The following DPF1 variants were observed in gnomAD, a reference collection of about 807,000 sequenced individuals.
DPF1 encodes double PHD fingers 1, also known as zinc finger protein neuro-d4.
In DPF1, 14 loss-of-function variants were observed where a neutral mutation model predicts 58.7. The ratio of observed to expected loss-of-function variants is 0.24; its 90% CI spans 0.16 to 0.37. The LOEUF (loss-of-function observed/expected upper bound fraction) is 0.37. Ranked by LOEUF, DPF1 falls within the 10% of genes least tolerant of loss-of-function variation. DPF1 has a pLI of 1.00. For missense variants in DPF1, 345 were observed against 529.9 expected, an observed-to-expected ratio of 0.65 and a Z score of 3.43; for synonymous variants, 216 against 216.0, an observed-to-expected ratio of 1.00 and a Z score of 0.00.
Position 38,212,089 on chromosome 19 carries a change from C to T in DPF1, c.1138G>A (p.Ala380Thr). ...TAGGTGAGGGTGATGTAAGCAGAAG[C>T]CTTTTCCTTCAGGTGCCGGAGACAG... ...HLCLRHLKEKASAYITLT is the reference protein window; with the variant it reads ...HLCLRHLKEKTSAYITLT The change falls in exon 12 of 12, where the codon GCT (alanine) becomes ACT (threonine). Residue 380 changes from alanine to threonine, a missense_variant. By Grantham distance (58) the Ala-to-Thr change is moderately conservative. Transcript: ENST00000355526. 1.9e-6 allele frequency: 3 copies of T among 1,612,414 alleles called. No individual in the cohort carries two copies. The highest frequency in any genetic ancestry group is 2.5e-6 in the Non-Finnish European group (3 of 1,179,742).
intron 7 of DPF1, 25 bp from the exon 8 acceptor site, chr19:38,216,428 G>A (rs766608136): frequency 6.4e-7 from 1 of 1,561,050 alleles, no homozygotes; most frequent in South Asian, 1.2e-5. Context: ...ACAGAGAGAG[G>A]GACTCTCACC....
chr19:38,224,381 C>G, upstream of DPF1: 2 of 939,240 alleles, frequency 2.1e-6, no homozygotes, highest in East Asian at 6.7e-5. The surrounding 1 kb of genome is among the most constrained non-coding windows in gnomAD (Gnocchi z 4.5). Flanking sequence ...GGGGCACGCA[C>G]CGTCACTCAC....
intron 9 of DPF1, 52 bp downstream of exon 9, chr19:38,216,088 C>G (rs1419512135): frequency 2.4e-5 from 38 of 1,569,332 alleles, no homozygotes; most frequent in Non-Finnish European, 3.1e-5. Context: ...GGTCTGCACT[C>G]CTGAATGTCC....
intron 4 of DPF1, 83 bp from the exon 5 acceptor site, chr19:38,218,745 T>A (rs1374064216): frequency 3.2e-6 from 5 of 1,558,138 alleles, no homozygotes; most frequent in Non-Finnish European, 4.4e-6. Context: ...AGGTGGAGAT[T>A]GGGGGTGAGA....
At chr19:38,212,741 G>C (rs2146110309) in intron 10 of DPF1, among the ~76,000 whole-genome samples, 1 of 150,052 alleles carries the variant, frequency 6.7e-6, no homozygotes, top group East Asian at 2.0e-4. Context: ...AGTCTCCTGA[G>C]CTGGGACTAC....
upstream of DPF1, among the ~76,000 whole-genome samples, chr19:38,225,047 T>A (rs1967756500): frequency 6.6e-6 from 1 of 152,096 alleles, no homozygotes; most frequent in Non-Finnish European, 1.5e-5. Flanking sequence ...GGATGGGAGT[T>A]CGAGACCAGC....
At chr19:38,212,249 C>A (rs780236346) in intron 11 of DPF1, 31 bp downstream of exon 11, 1 of 659,460 alleles carries the variant, frequency 1.5e-6, no homozygotes, top group East Asian at 4.3e-5. Flanking sequence ...CCCACCCACC[C>A]GCCCCATGGG....
In DPF1 at chr19:38,222,913, A is replaced by T; in HGVS notation, c.30-205T>A. The T allele has an allele frequency of 1.6e-6, 1 of 607,130 alleles. No homozygotes were observed. Among genetic ancestry groups the T allele is most frequent in the Non-Finnish European group, 2.7e-6 (1 of 372,172 alleles). The allele number at this position is 607,130 out of a possible 1,614,324, so 37.6% of individuals were successfully genotyped here. On this transcript the variant is annotated intron_variant, in intron 1 of 11. Coordinates refer to ENST00000355526, the MANE Select transcript of DPF1 (RefSeq NM_001135155.3). The surrounding 1 kb of genome is among the most constrained non-coding windows in gnomAD (Gnocchi z 4.9). ...GGGGCCCCCAAACTGGGACTCAAAC[A>T]GGCCCCCAGCTCATGAGTAGAAACA...
chr19:38,219,079 G>A, intron 3 of DPF1, 21 bp from the exon 4 acceptor site: 4 of 1,612,316 alleles, frequency 2.5e-6, no homozygotes, highest in South Asian at 2.2e-5. Flanking sequence ...GGCCATGGGG[G>A]GGTCAGATGG....
chr19:38,225,332 C>A (rs12978031), upstream of DPF1, among the ~76,000 whole-genome samples: 1 of 151,798 alleles, frequency 6.6e-6, no homozygotes, highest in South Asian at 2.1e-4. Flanking sequence ...TTCGGGAGGC[C>A]TAGATGAGAG....
At chr19:38,215,228 C>G (rs1401953272) in intron 9 of DPF1, among the ~76,000 whole-genome samples, 1 of 151,568 alleles carries the variant, frequency 6.6e-6, no homozygotes, top group Non-Finnish European at 1.5e-5. Context: ...CGGTGGCTCA[C>G]GCCTGTAATC....
Position 38,217,457 on chromosome 19 carries a change from C to T in DPF1, c.727+3G>A. On this transcript the variant is annotated splice_donor_region_variant and intron_variant, in intron 7 of 11. Transcript: ENST00000355526. ...GCCACCCCCACCTGGCCTGCCAGCT[C>T]ACGTTTATGGTTGTTTTTCCGGTGG... The T allele has an allele frequency of 2.6e-6, 4 of 1,543,424 alleles. No individual in the cohort carries two copies. In the East Asian group the frequency reaches 7.5e-5, roughly 29 times the overall value.
chr19:38,228,387 C>T (rs898614567), upstream of DPF1, among the ~76,000 whole-genome samples: 1 of 151,830 alleles, frequency 6.6e-6, no homozygotes, highest in African/African-American at 2.4e-5. Flanking sequence ...TCCCTCTCTC[C>T]CTCTCTCCCC....
At chr19:38,219,792 T>A (rs1967311119) in intron 3 of DPF1, 1 of 152,172 alleles carries the variant, frequency 6.6e-6, no homozygotes, top group African/African-American at 2.4e-5. Context: ...AGATACAGCC[T>A]AGAGACTCAA....
In DPF1 at chr19:38,222,124, T is replaced by TAAAC. The variant is rs1967526952; in HGVS notation, c.298+232_298+233insGTTT. ...AAAAATAAATAAATAAATAAATAAA[T>TAAAC]AAATAAATAACAACAACTGGGCACC... On this transcript the variant is annotated intron_variant, in intron 3 of 11. Coordinates refer to ENST00000355526, the MANE Select transcript of DPF1 (RefSeq NM_001135155.3). This position sits in a 1 kb window ranked among gnomAD's most constrained non-coding sequence, Gnocchi z 4.9. Among the ~76,000 whole-genome samples the TAAAC allele has an allele frequency of 1.3e-5, 2 of 151,254 alleles. No homozygotes were observed. The highest frequency in any genetic ancestry group is 4.8e-5 in the African/African-American group (2 of 41,248).
intron 9 of DPF1, among the ~76,000 whole-genome samples, chr19:38,214,445 A>C (rs1211192357): frequency 6.6e-6 from 1 of 152,084 alleles, no homozygotes; most frequent in East Asian, 1.9e-4. Context: ...ACCATATTTC[A>C]CTACCCATGA....
Position 38,222,100 on chromosome 19 carries a change from A to AAAATAAAT in DPF1, c.298+249_298+256dup, listed in dbSNP as rs142392815. Among the ~76,000 whole-genome samples the AAAATAAAT allele has an allele frequency of 0.15, 21,654 of 148,090 alleles. 1,696 individuals carry two copies. Among genetic ancestry groups the AAAATAAAT allele is most frequent in the African/African-American group, 0.18 (7,249 of 40,026 alleles). ...CCAGCCTGGGTGAAACTCTGTCTCAAAAATAAATAAATAAATAAATAAATA... is the reference window on the plus strand; with the variant it reads ...CCAGCCTGGGTGAAACTCTGTCTCAAAAATAAATAAATAAATAAATAAATAAATAAATA... On this transcript the variant is annotated intron_variant, in intron 3 of 11. Coordinates refer to ENST00000355526, the MANE Select transcript of DPF1 (RefSeq NM_001135155.3). This position sits in a 1 kb window ranked among gnomAD's most constrained non-coding sequence, Gnocchi z 4.9.
intron 10 of DPF1, among the ~76,000 whole-genome samples, chr19:38,212,600 CTTATTA>C (rs907432671): frequency 6.6e-6 from 1 of 151,540 alleles, no homozygotes; most frequent in Non-Finnish European, 1.5e-5. Flanking sequence ...CTGTGGAAGG[CTTATTA>C]TTATTATTAT....
At chr19:38,220,732 G>C (rs1384398547) in intron 3 of DPF1, among the ~76,000 whole-genome samples, 3 of 152,090 alleles carry the variant, frequency 2.0e-5, no homozygotes, top group Non-Finnish European at 4.4e-5. Flanking sequence ...GACACATAGC[G>C]GGGAGATACC....
Sources: allele counts gnomAD v4.1 joint callset (sites outside exome capture counted in the v4.1 genomes callset), GRCh38; gene constraint gnomAD v4.1.1; non-coding constraint Gnocchi (gnomAD v3.1); transcripts MANE v1.5; gene names NCBI Gene and HGNC (gene_info 2026-07-23, HGNC 2026-07-21).